The following P3H2 variants were observed in gnomAD, a reference collection of about 807,000 sequenced individuals.
P3H2 encodes leprecan-like 1.
A neutral mutation model predicts 87.0 loss-of-function variants in P3H2; 80 were observed. That is an observed-to-expected ratio of 0.92 (90% CI 0.77 to 1.11). The LOEUF (loss-of-function observed/expected upper bound fraction) is 1.11. Among genes scored for constraint, P3H2 ranks in the 50% least tolerant of loss-of-function variants. The pLI is 0.00. For missense variants in P3H2, 1,001 were observed against 923.9 expected (o/e 1.08, Z -1.08); for synonymous variants, 367 against 359.3 (o/e 1.02, Z -0.24).
chr3:189,964,957 C>G (rs1462539894), intron 13 of P3H2, among the ~76,000 whole-genome samples: 1 of 152,192 alleles, frequency 6.6e-6, no homozygotes, highest in African/African-American at 2.4e-5. Context: ...GGCCTTGCTT[C>G]TGTGTTTAAA....
intron 3 of P3H2, 108 bp from the exon 4 acceptor site, chr3:189,989,146 G>A (rs1723799876): frequency 1.5e-6 from 2 of 1,327,766 alleles, no homozygotes; most frequent in Non-Finnish European, 2.1e-6. Flanking sequence ...CACACTGGAA[G>A]ACCAAATTAT....
chr3:190,034,871 C>G (rs545879671), intron 1 of P3H2, among the ~76,000 whole-genome samples: 4 of 133,136 alleles, frequency 3.0e-5, no homozygotes, highest in Non-Finnish European at 3.1e-5. Flanking sequence ...TTTTTTGAGA[C>G]GGCATTTCAC....
chr3:189,994,102 G>T lies in P3H2; in HGVS notation c.815C>A (p.Ala272Asp), dbSNP rs749868049. ...AAAAATTAAGCTTTTACCTGCAATA[G>T]CTTCATACAGACCAGCCTTATACCC... The part of the protein sequence containing the change: ...YLGYKAGLYE[A>D]IADHYMQVLV... The change falls in exon 3 of 15, where the codon GCT becomes GAT. Residue 272 changes from alanine to aspartate, a missense_variant. By Grantham distance (126) the Ala-to-Asp change is moderately radical. Coordinates refer to ENST00000319332, the MANE Select transcript of P3H2 (RefSeq NM_018192.4). The T allele has an allele frequency of 1.2e-6, 2 of 1,610,798 alleles. No individual in the cohort carries two copies. Among genetic ancestry groups the T allele is most frequent in the Admixed American group, 3.3e-5 (2 of 59,892 alleles).
chr3:189,997,468 A>C (rs1381365974), intron 1 of P3H2, among the ~76,000 whole-genome samples: 1 of 152,340 alleles, frequency 6.6e-6, no homozygotes, highest in East Asian at 1.9e-4. Context: ...GTAAGATTCA[A>C]CTGTATCTGC....
At chr3:190,043,027 TACA>T (rs1725687366) in intron 1 of P3H2, among the ~76,000 whole-genome samples, 1 of 151,956 alleles carries the variant, frequency 6.6e-6, no homozygotes, top group Non-Finnish European at 1.5e-5. Context: ...CAGAGTACCA[TACA>T]TGGCCTATTA....
chr3:190,044,722 A>T (rs896993640), intron 1 of P3H2, among the ~76,000 whole-genome samples: 3 of 152,212 alleles, frequency 2.0e-5, no homozygotes, highest in Non-Finnish European at 2.9e-5. Flanking sequence ...GGAGTGATTG[A>T]TTGTACTTGG....
At chr3:190,097,718 C>T (rs1410058301) in intron 1 of P3H2, among the ~76,000 whole-genome samples, 2 of 151,768 alleles carry the variant, frequency 1.3e-5, no homozygotes, top group East Asian at 3.9e-4. Context: ...AAACAAGAAG[C>T]TGCAAATATT....
intron 1 of P3H2, among the ~76,000 whole-genome samples, chr3:190,094,685 G>A (rs371297179): frequency 4.2e-4 from 64 of 152,170 alleles, no homozygotes; most frequent in African/African-American, 1.5e-3. Flanking sequence ...AAAACAGGAA[G>A]TGATAAAACT....
At chr3:190,036,884 G>T (rs1370620979) in intron 1 of P3H2, among the ~76,000 whole-genome samples, 17 of 151,916 alleles carry the variant, frequency 1.1e-4, no homozygotes, top group Non-Finnish European at 4.4e-5. Flanking sequence ...GCCTCCAAAG[G>T]CATGGAAAAA....
intron 1 of P3H2, among the ~76,000 whole-genome samples, chr3:190,000,253 T>TA (rs1724169207): frequency 6.6e-6 from 1 of 152,178 alleles, no homozygotes; most frequent in South Asian, 2.1e-4. Context: ...TTTTAAAACT[T>TA]ACCACCCGCC....
At chr3:190,094,860 T>A (rs1392598115) in intron 1 of P3H2, among the ~76,000 whole-genome samples, 1 of 152,140 alleles carries the variant, frequency 6.6e-6, no homozygotes, top group Non-Finnish European at 1.5e-5. Context: ...TGGTCCAAAG[T>A]CAGGCAGCTA....
At chr3:190,008,629 T>C (rs1724469262) in intron 1 of P3H2, among the ~76,000 whole-genome samples, 1 of 152,214 alleles carries the variant, frequency 6.6e-6, no homozygotes, top group Non-Finnish European at 1.5e-5. Context: ...AGCAGCTGCA[T>C]GTTTGGTCTG....
At chr3:190,085,494 A>G (rs887289984) in intron 1 of P3H2, among the ~76,000 whole-genome samples, 6 of 152,212 alleles carry the variant, frequency 3.9e-5, no homozygotes, top group Non-Finnish European at 8.8e-5. Flanking sequence ...TGCACAAATT[A>G]TCTAAGCATT....
chr3:190,024,530 CAAAAAAAAAAAAAA>C, intron 1 of P3H2, among the ~76,000 whole-genome samples: 1 of 52,954 alleles, frequency 1.9e-5, no homozygotes, highest in African/African-American at 6.5e-5. Context: ...GGTTCCCTCT[CAAAAAAAAAAAAAA>C]AAAAAAAAAG....
At chr3:190,031,421 T>G (rs1725247236) in intron 1 of P3H2, among the ~76,000 whole-genome samples, 2 of 113,786 alleles carry the variant, frequency 1.8e-5, no homozygotes, top group African/African-American at 6.7e-5. Context: ...GCTAATCACC[T>G]GAGGTCAGGA....
intron 1 of P3H2, among the ~76,000 whole-genome samples, chr3:190,049,756 T>G (rs1725915863): frequency 6.6e-6 from 1 of 152,158 alleles, no homozygotes; most frequent in Admixed American, 6.5e-5. Flanking sequence ...TGTCAATACA[T>G]ATGGAGAAAA....
rs990387722 is a variant in P3H2 at position 189,957,236 on chromosome 3, C to A, written c.*676G>T. ...GAGGCAGCGTGGACTCTGCCAGGGG[C>A]TCCTCAGACCCAAAGTGGAGCTCAC... is the stretch of plus-strand genomic sequence containing the variant. On this transcript the variant is annotated 3_prime_UTR_variant, in exon 15 of 15. Transcript: ENST00000319332. 1 of 399,136 alleles carries A rather than the reference C, an allele frequency of 2.5e-6. No homozygotes were observed. The highest frequency in any genetic ancestry group is 2.1e-5 in the African/African-American group (1 of 48,706). 24.7% of individuals were successfully genotyped at this position (399,136 alleles called of 1,614,324 possible). A position where few individuals can be genotyped will look rare whatever the true frequency, so the allele number is the denominator to read the frequency against.
At chr3:190,041,066 A>C (rs1560375065) in intron 1 of P3H2, among the ~76,000 whole-genome samples, 2 of 47,302 alleles carry the variant, frequency 4.2e-5, no homozygotes, top group Non-Finnish European at 6.9e-5. Flanking sequence ...ACACACACAC[A>C]CACACACACA....
chr3:190,103,818 G>T (rs1200065221), intron 1 of P3H2, among the ~76,000 whole-genome samples: 1 of 151,558 alleles, frequency 6.6e-6, no homozygotes, highest in Non-Finnish European at 1.5e-5. Context: ...TTTCAATGAA[G>T]TCTTGCTCTG....
Sources: allele counts gnomAD v4.1 joint callset (sites outside exome capture counted in the v4.1 genomes callset), GRCh38; gene constraint gnomAD v4.1.1; transcripts MANE v1.5; gene names NCBI Gene and HGNC (gene_info 2026-07-23, HGNC 2026-07-21).